Variants in LARP1 observed in about 807,000 individuals in gnomAD.
The protein encoded by LARP1 is La ribonucleoprotein 1, translational regulator, also known as la-related protein 1.
Under a neutral mutation model 122.7 loss-of-function variants are expected in LARP1, and 36 were observed. That is an observed-to-expected ratio of 0.29 (90% CI 0.22 to 0.39). The LOEUF is 0.39. Ranked by LOEUF, LARP1 falls within the 10% of genes least tolerant of loss-of-function variation. The pLI, the probability that LARP1 is intolerant of heterozygous loss-of-function variation, is 1.00. For synonymous variants in LARP1, 539 were observed against 528.7 expected (o/e 1.02, Z -0.27); for missense variants, 1,040 against 1,403.6 (o/e 0.74, Z 4.14).
At chr5:154,735,478 A>T (rs1011490794) in intron 1 of LARP1, among the ~76,000 whole-genome samples, 1 of 152,046 alleles carries the variant, frequency 6.6e-6, no homozygotes, top group African/African-American at 2.4e-5. Context: ...CCTGCTTTCA[A>T]ATCTTTTGGA....
At chr5:154,795,913 ATTATATATTTATAT>A (rs1431895841) in intron 8 of LARP1, among the ~76,000 whole-genome samples, 1 of 121,590 alleles carries the variant, frequency 8.2e-6, no homozygotes, top group Non-Finnish European at 1.6e-5. Context: ...TTATATATTT[ATTATATATTTATAT>A]TTATATATTA....
upstream of LARP1, among the ~76,000 whole-genome samples, chr5:154,753,901 T>C (rs1255142026): frequency 1.3e-5 from 2 of 152,246 alleles, no homozygotes; most frequent in Non-Finnish European, 2.9e-5. Flanking sequence ...CAGCAGGTCG[T>C]GTGCTCTAAT....
At position 154,755,742 on chromosome 5, in the gene LARP1, G is replaced by A. The variant is rs1011985061; in HGVS notation, c.-16G>A. 3.3e-5 allele frequency: 33 copies of A among 987,584 alleles called. 1 individual carries two copies. In the African/African-American group the frequency reaches 5.4e-4, roughly 16 times the overall value. 61.2% of individuals were successfully genotyped at this position (987,584 alleles called of 1,614,324 possible). On this transcript the variant is annotated 5_prime_UTR_variant, in exon 1 of 19. Coordinates refer to ENST00000518297, the MANE Select transcript of LARP1 (RefSeq NM_033551.3). ...CCTCGGGCGCGCCCGGCTTCTCCGG[G>A]GGGGCGGGCGCGCAGATGGCCACTC... is the stretch of plus-strand genomic sequence containing the variant.
intron 1 of LARP1, among the ~76,000 whole-genome samples, chr5:154,713,547 T>C (rs1755331498): frequency 6.6e-6 from 1 of 152,190 alleles, no homozygotes; most frequent in Non-Finnish European, 1.5e-5. Context: ...TGAGATCTTA[T>C]CTAGAGTCGA....
rs78009040 is a variant in LARP1 at position 154,794,434 on chromosome 5, T to C, written c.1232+172T>C. ...GAAGTGATACCACATTCTCATTGTT[T>C]ATTACAGAAGTGGTACAACATTTAC... On this transcript the variant is annotated intron_variant, in intron 7 of 18. Coordinates refer to ENST00000518297, the MANE Select transcript of LARP1 (RefSeq NM_033551.3). Among the ~76,000 whole-genome samples the C allele has an allele frequency of 5.1e-3, 780 of 152,354 alleles. 2 individuals carry two copies. Among genetic ancestry groups the C allele is most frequent in the African/African-American group, 0.018 (732 of 41,578 alleles).
intron 1 of LARP1, among the ~76,000 whole-genome samples, chr5:154,735,041 A>G (rs751084581): frequency 1.3e-5 from 2 of 152,168 alleles, no homozygotes; most frequent in Non-Finnish European, 2.9e-5. Flanking sequence ...CATGGTATAT[A>G]TAATATATAC....
Position 154,802,481 on chromosome 5 carries a change from A to G in LARP1, c.2109+82A>G, listed in dbSNP as rs1278216368. ...AAGAGGAAGCCTGATTAGCTGTGCA[A>G]TTTTAGGCAGGTCCTTATAATTCAG... On this transcript the variant is annotated intron_variant, in intron 11 of 18. Coordinates refer to ENST00000518297, the MANE Select transcript of LARP1 (RefSeq NM_033551.3). The surrounding 1 kb of genome is among the most constrained non-coding windows in gnomAD (Gnocchi z 5.1). The G allele has an allele frequency of 3.6e-5, 52 of 1,462,166 alleles. No individual in the cohort carries two copies. Among genetic ancestry groups the G allele is most frequent in the Non-Finnish European group, 4.4e-5 (49 of 1,101,268 alleles). 90.6% of individuals were successfully genotyped at this position (1,462,166 alleles called of 1,614,324 possible). A position where few individuals can be genotyped will look rare whatever the true frequency, so the allele number is the denominator to read the frequency against.
At chr5:154,766,345 T>C (rs1754949209) in intron 1 of LARP1, among the ~76,000 whole-genome samples, 2 of 152,228 alleles carry the variant, frequency 1.3e-5, no homozygotes, top group Non-Finnish European at 2.9e-5. Flanking sequence ...ATTTGGGGTT[T>C]CCCATTTGAT....
intron 1 of LARP1, among the ~76,000 whole-genome samples, chr5:154,763,671 C>G (rs1177452821): frequency 6.6e-6 from 1 of 150,460 alleles, no homozygotes; most frequent in Non-Finnish European, 1.5e-5. Flanking sequence ...TTTTGTGACC[C>G]CACATGTAAT....
chr5:154,685,394 T>A (rs1352874608), intron 1 of LARP1, among the ~76,000 whole-genome samples: 1 of 152,116 alleles, frequency 6.6e-6, no homozygotes, highest in Non-Finnish European at 1.5e-5. Context: ...CATGGTACCT[T>A]CTCCCCTCAG....
In LARP1 at chr5:154,722,612, A is replaced by C. The variant is rs1393300640; in HGVS notation, c.205+9482A>C. On this transcript the variant is annotated intron_variant, in intron 1 of 18. Transcript: ENST00000336314. ...GGAACAGGATATAGCCAGGCAGTGG[A>C]GAATTCATAGAATCCCTCATTCTTA... is the stretch of plus-strand genomic sequence containing the variant. 4.0e-5 allele frequency among the ~76,000 whole-genome samples: 6 copies of C among 151,834 alleles called. 1 individual carries two copies. Among genetic ancestry groups the C allele is most frequent in the Non-Finnish European group, 8.8e-5 (6 of 67,968 alleles).
chr5:154,737,622 TA>T (rs1756978155), intron 1 of LARP1, among the ~76,000 whole-genome samples: 1 of 151,946 alleles, frequency 6.6e-6, no homozygotes, highest in African/African-American at 2.4e-5. Flanking sequence ...TTTGTATTTT[TA>T]GTAGAGACGG....
intron 1 of LARP1, among the ~76,000 whole-genome samples, chr5:154,728,979 A>G (rs914641717): frequency 2.0e-5 from 3 of 152,170 alleles, no homozygotes; most frequent in Non-Finnish European, 4.4e-5. Flanking sequence ...GTTCATAGGG[A>G]AATGTCTCTT....
In LARP1 at chr5:154,814,137, G is replaced by C. The variant is rs759453932; in HGVS notation, c.*41G>C. Reference sequence around the variant, plus strand: ...TGGGGCTTGAGGGGGGAAAGGGGTAGGGTGGGTAAGAGTCCATGGGGGTGC... The same window carrying C: ...TGGGGCTTGAGGGGGGAAAGGGGTACGGTGGGTAAGAGTCCATGGGGGTGC... On this transcript the variant is annotated 3_prime_UTR_variant, in exon 19 of 19. Coordinates refer to ENST00000518297, the MANE Select transcript of LARP1 (RefSeq NM_033551.3). 1.3e-6 allele frequency: 2 copies of C among 1,597,620 alleles called. No individual in the cohort carries two copies. The highest frequency in any genetic ancestry group is 2.2e-5 in the South Asian group (2 of 89,800).
chr5:154,800,348 T>G (rs979514908), intron 10 of LARP1, among the ~76,000 whole-genome samples: 6 of 152,224 alleles, frequency 3.9e-5, no homozygotes, highest in Non-Finnish European at 8.8e-5. Context: ...TTGGCTCTTC[T>G]TTTTGCTCCA....
chr5:154,785,414 C>T (rs1037426554), intron 1 of LARP1, among the ~76,000 whole-genome samples: 6 of 152,252 alleles, frequency 3.9e-5, no homozygotes, highest in Non-Finnish European at 7.4e-5. Context: ...GTGAGGGTGG[C>T]GATTGCTTGG....
rs1189143996 is a variant in LARP1, at chr5:154,792,616, C to G, written c.565-6C>G. 1 of 1,613,502 alleles carries G rather than the reference C, an allele frequency of 6.2e-7. No individual in the cohort carries two copies. The highest frequency in any genetic ancestry group is 8.5e-7 in the Non-Finnish European group (1 of 1,179,644). ...CACCTCACTGTTACTTTACTTCCTG[C>G]TATAGCCACAGTCCCACAAGCCTCA... is the stretch of plus-strand genomic sequence containing the variant. On this transcript the variant is annotated splice_polypyrimidine_tract_variant and splice_region_variant and intron_variant, in intron 3 of 18. Coordinates refer to ENST00000518297, the MANE Select transcript of LARP1 (RefSeq NM_033551.3).
chr5:154,813,788 T>G, intron 18 of LARP1, 99 bp from the exon 19 acceptor site: 1 of 926,940 alleles, frequency 1.1e-6, no homozygotes, highest in South Asian at 1.5e-5. Context: ...TCATTTTCTA[T>G]ATTTGGAGGT....
intron 1 of LARP1, among the ~76,000 whole-genome samples, chr5:154,690,557 A>C (rs1754143815): frequency 6.6e-6 from 1 of 152,248 alleles, no homozygotes; most frequent in African/African-American, 2.4e-5. Context: ...AGTGAGTACC[A>C]GGGCAGAGAC....
Sources: gnomAD v4.1 joint callset for allele counts (sites outside exome capture counted in the v4.1 genomes callset) on GRCh38, gnomAD v4.1.1 for gene constraint, Gnocchi (gnomAD v3.1) non-coding constraint, MANE v1.5 for transcripts, NCBI Gene and HGNC (gene_info 2026-07-23, HGNC 2026-07-21) for gene names.